Variants in HPS5 observed in about 807,000 individuals in gnomAD.
The protein encoded by HPS5 is HPS5 biogenesis of lysosomal organelles complex 2 subunit 2, also known as BLOC-2 complex member HPS5.
In HPS5, 83 loss-of-function variants were observed where a neutral mutation model predicts 128.0. The observed-to-expected ratio is 0.65, with a 90% CI of 0.54 to 0.78. The LOEUF (loss-of-function observed/expected upper bound fraction) is 0.78, where lower values mean the gene tolerates loss of function less well. Ranked by LOEUF, HPS5 falls within the 30% of genes least tolerant of loss-of-function variation. The pLI is 0.00. For synonymous variants in HPS5, 475 were observed against 470.2 expected (o/e 1.01, Z -0.13); for missense variants, 1,281 against 1,326.2 (o/e 0.97, Z 0.53).
rs1364609367 is a variant in HPS5, at chr11:18,296,909, A to G, written c.1399T>C (p.Ser467Pro). Residue 467 changes from serine to proline, a missense_variant, in exon 12 of 23, where the codon TCT becomes CCT. Coordinates refer to ENST00000349215, the MANE Select transcript of HPS5 (RefSeq NM_181507.2). ...AGGGTTTGGCTGTGAAGGGAGCAAG[A>G]GTCTTCATCTGACTGACTGCCTCTT... ...SRRGSQSDED[S>P]CSLHSQTLSE... 1 of 1,611,784 alleles carries G rather than the reference A, an allele frequency of 6.2e-7. No individual in the cohort carries two copies. The highest frequency in any genetic ancestry group is 1.1e-5 in the South Asian group (1 of 91,056).
At chr11:18,302,899 GC>G (rs1361945145) in intron 8 of HPS5, among the ~76,000 whole-genome samples, 2 of 134,682 alleles carry the variant, frequency 1.5e-5, no homozygotes, top group African/African-American at 5.6e-5. Flanking sequence ...CTGACATTCA[GC>G]TTGGAAAATT....
At chr11:18,295,277 G>C in intron 13 of HPS5, 108 bp from the exon 14 acceptor site, 6 of 1,017,004 alleles carry the variant, frequency 5.9e-6, no homozygotes, top group South Asian at 1.4e-5. Flanking sequence ...GAGGCAACTT[G>C]GACTTAGTAA....
rs1417088156 is a variant in HPS5, at chr11:18,311,042, GA to G, written c.285-110del. 4.9e-6 allele frequency: 4 copies of G among 817,386 alleles called. No individual in the cohort carries two copies. In the African/African-American group the frequency reaches 6.7e-5, roughly 14 times the overall value. The allele number at this position is 817,386 out of a possible 1,614,324, so 50.6% of individuals were successfully genotyped here. On this transcript the variant is annotated intron_variant, in intron 4 of 22. Coordinates refer to ENST00000349215, the MANE Select transcript of HPS5 (RefSeq NM_181507.2). Reference sequence around the variant, plus strand: ...ATACATATGCAACTCTTGTTCTTCAGAAAAGAGGAAGTATTATAAAAAGTCA... The same window carrying G: ...ATACATATGCAACTCTTGTTCTTCAGAAAGAGGAAGTATTATAAAAAGTCA...
intron 5 of HPS5, among the ~76,000 whole-genome samples, chr11:18,310,016 A>G (rs192257015): frequency 4.6e-4 from 70 of 152,334 alleles, no homozygotes; most frequent in African/African-American, 1.6e-3. Flanking sequence ...ATAAAATAAA[A>G]TAAATTTAGC....
At chr11:18,318,149 T>A (rs2133906495) in intron 1 of HPS5, among the ~76,000 whole-genome samples, 1 of 152,320 alleles carries the variant, frequency 6.6e-6, no homozygotes, top group South Asian at 2.1e-4. Flanking sequence ...TATCCCCCTG[T>A]ATTATCTAAC....
chr11:18,292,786 C>G (rs527246785), intron 15 of HPS5, 113 bp downstream of exon 15: 1 of 838,764 alleles, frequency 1.2e-6, no homozygotes, highest in East Asian at 2.5e-5. Context: ...AGCAACTTCT[C>G]TAATCAACTA....
At chr11:18,293,394 G>A (rs552575951) in intron 14 of HPS5, among the ~76,000 whole-genome samples, 8 of 152,064 alleles carry the variant, frequency 5.3e-5, no homozygotes, top group Non-Finnish European at 1.2e-4. Context: ...GAATGGTCCC[G>A]ATCTCCTGAC....
At chr11:18,280,961 AAAC>A (rs1223053149) in intron 22 of HPS5, among the ~76,000 whole-genome samples, 2 of 152,198 alleles carry the variant, frequency 1.3e-5, no homozygotes, top group Non-Finnish European at 2.9e-5. Flanking sequence ...ACTGGATGCA[AAAC>A]AATATGAATA....
At chr11:18,296,731 C>G in intron 12 of HPS5, 67 bp downstream of exon 12, 1 of 1,392,822 alleles carries the variant, frequency 7.2e-7, no homozygotes, top group Non-Finnish European at 1.0e-6. Context: ...CAAGATAATC[C>G]TGGTAACAGG....
chr11:18,315,275 AGTGGGACTCTCTC>A (rs1863479958), intron 2 of HPS5, among the ~76,000 whole-genome samples: 1 of 152,138 alleles, frequency 6.6e-6, no homozygotes, highest in African/African-American at 2.4e-5. Flanking sequence ...CCAAGCACAG[AGTGGGACTCTCTC>A]CAGAGGAATT....
rs1861386701 is a variant in HPS5 at position 18,298,884 on chromosome 11, C to A, written c.1072G>T (p.Glu358Ter). The A allele has an allele frequency of 6.2e-7, 1 of 1,614,040 alleles. No individual in the cohort carries two copies. The highest frequency in any genetic ancestry group is 1.3e-5 in the African/African-American group (1 of 74,914). The part of the protein sequence containing the change: ...KVSHLSLISV[E>*]RCVERLLRRG... ...CTTAGCAGGCGTTCCACACAGCGCT[C>A]CACAGATATCAGGGAGAGATGTGAG... Residue 358 changes from glutamate to a stop codon, truncating the protein, a stop_gained, in exon 10 of 23, where the codon GAG becomes TAG. Transcript: ENST00000349215. LOFTEE classifies it high-confidence loss of function.
chr11:18,302,562 C>T (rs867228783), intron 8 of HPS5, among the ~76,000 whole-genome samples: 3 of 152,224 alleles, frequency 2.0e-5, no homozygotes, highest in Middle Eastern at 3.4e-3. Context: ...ATAAATTATA[C>T]TCTGAAGAAC....
intron 2 of HPS5, 69 bp downstream of exon 2, chr11:18,317,682 C>CTGGA (rs1863809529): frequency 1.4e-6 from 2 of 1,457,094 alleles, no homozygotes; most frequent in Admixed American, 3.6e-5. Flanking sequence ...CGTTAAGGAA[C>CTGGA]TGGAGGGTAG....
At chr11:18,303,725 C>T (rs765341418) in intron 8 of HPS5, among the ~76,000 whole-genome samples, 8 of 152,064 alleles carry the variant, frequency 5.3e-5, no homozygotes, top group Non-Finnish European at 1.0e-4. Flanking sequence ...TGGTGGCGTG[C>T]GCCTGTGAGT....
rs1251053663 is a variant in HPS5, at chr11:18,291,973, TCA to T, written c.1907_1908del (p.Leu636GlnfsTer27). 6.2e-7 allele frequency: 1 copy of T among 1,613,690 alleles called. No homozygotes were observed. Among genetic ancestry groups the T allele is most frequent in the Non-Finnish European group, 8.5e-7 (1 of 1,179,930 alleles). On this transcript the variant is annotated frameshift_variant, in exon 16 of 23. Transcript: ENST00000349215. LOFTEE classifies it high-confidence loss of function. ...GAAAGCCACTCCTGTAAAACCATTC[TCA>T]GAGACTCGGATTCAAATAAAACCAG... The part of the protein sequence containing the change: ...DPLVLFESES[L>X]RMVLQEWLSH...
At chr11:18,318,495 G>A (rs1481418508) in intron 1 of HPS5, among the ~76,000 whole-genome samples, 1 of 152,122 alleles carries the variant, frequency 6.6e-6, no homozygotes, top group East Asian at 1.9e-4. Flanking sequence ...AAAAATAAGC[G>A]CTTCAACAAA....
chr11:18,309,136 T>C, intron 5 of HPS5, 57 bp from the exon 6 acceptor site: 2 of 1,498,768 alleles, frequency 1.3e-6, no homozygotes, highest in Non-Finnish European at 1.8e-6. Flanking sequence ...ACACATGCAA[T>C]CTCTTCCTCT....
intron 2 of HPS5, among the ~76,000 whole-genome samples, chr11:18,313,488 T>G (rs1404772018): frequency 6.6e-6 from 1 of 152,240 alleles, no homozygotes; most frequent in Admixed American, 6.5e-5. Context: ...CTGCCTCTTC[T>G]TTTCCTTTAA....
intron 12 of HPS5, 130 bp downstream of exon 12, chr11:18,296,668 A>G (rs1207071454): frequency 3.4e-6 from 3 of 884,098 alleles, no homozygotes; most frequent in Non-Finnish European, 5.8e-6. Flanking sequence ...ATCTGGATGG[A>G]AAGTTCTATC....
Sources: gnomAD v4.1 joint callset for allele counts (sites outside exome capture counted in the v4.1 genomes callset) on GRCh38, gnomAD v4.1.1 for gene constraint, MANE v1.5 for transcripts, NCBI Gene and HGNC (gene_info 2026-07-23, HGNC 2026-07-21) for gene names.